Variants in MSH3 observed in about 807,000 individuals in gnomAD.
MSH3 encodes the protein mutS homolog 3.
Under a neutral mutation model 123.3 loss-of-function variants are expected in MSH3, and 106 were observed. That is an observed-to-expected ratio of 0.86 (90% CI 0.73 to 1.01). The LOEUF (loss-of-function observed/expected upper bound fraction) is 1.01. Among genes scored for constraint, MSH3 ranks in the 50% least tolerant of loss-of-function variants. The pLI, the probability that MSH3 is intolerant of heterozygous loss-of-function variation, is 0.00. For missense variants in MSH3, 1,459 were observed against 1,347.6 expected, an observed-to-expected ratio of 1.08 and a Z score of -1.29; for synonymous variants, 515 against 481.4, an observed-to-expected ratio of 1.07 and a Z score of -0.91.
At chr5:80,730,257 A>AAT (rs1258691324) in intron 10 of MSH3, among the ~76,000 whole-genome samples, 1 of 152,226 alleles carries the variant, frequency 6.6e-6, no homozygotes, top group Non-Finnish European at 1.5e-5. Context: ...TAAGCCAAAA[A>AAT]TAAAGTTGCT....
intron 12 of MSH3, among the ~76,000 whole-genome samples, chr5:80,747,709 T>C (rs184068830): frequency 2.4e-3 from 366 of 152,222 alleles, no homozygotes; most frequent in Admixed American, 4.8e-3. Context: ...TATACAGAGG[T>C]GTTTTCTATG....
At chr5:80,700,721 C>T (rs1392299193) in intron 8 of MSH3, among the ~76,000 whole-genome samples, 1 of 152,086 alleles carries the variant, frequency 6.6e-6, no homozygotes, top group East Asian at 1.9e-4. Flanking sequence ...AGAATGAGAG[C>T]TTCTTTGTGC....
intron 20 of MSH3, among the ~76,000 whole-genome samples, chr5:80,842,866 T>C (rs978521025): frequency 2.6e-5 from 4 of 152,162 alleles, no homozygotes; most frequent in African/African-American, 9.7e-5. Context: ...ACAATTTGAC[T>C]TCCTCTTTTC....
intron 4 of MSH3, 95 bp downstream of exon 4, chr5:80,670,404 G>A (rs561981850): frequency 8.7e-6 from 11 of 1,267,628 alleles, no homozygotes; most frequent in Middle Eastern, 2.6e-4. Context: ...TTATATAAAA[G>A]CTGATTTGAT....
chr5:80,665,236 T>A lies in MSH3; in HGVS notation c.452T>A (p.Val151Asp). 1 of 1,614,060 alleles carries A rather than the reference T, an allele frequency of 6.2e-7. No individual in the cohort carries two copies. The change falls in exon 3 of 24, where the codon GTC becomes GAC. Residue 151 changes from valine (V) to aspartate (D), a missense_variant. Transcript: ENST00000265081. ...GATTCTGCCCTTCCTCAAAGTAGAG[T>A]CCAGACAGAATCTCTGCAGGAGAGA... The part of the protein sequence containing the change: ...CCDSALPQSR[V>D]QTESLQERFA...
At chr5:80,773,934 A>G (rs1340971614) in intron 15 of MSH3, among the ~76,000 whole-genome samples, 1 of 151,972 alleles carries the variant, frequency 6.6e-6, no homozygotes, top group Admixed American at 6.6e-5. Context: ...CGCCTGGCTA[A>G]TTTTTGTATT....
chr5:80,681,943 T>C (rs1195712639), intron 8 of MSH3, among the ~76,000 whole-genome samples: 4 of 152,206 alleles, frequency 2.6e-5, no homozygotes, highest in Admixed American at 6.5e-5. Flanking sequence ...ATGCCTGCTT[T>C]TGTCTTATTT....
At chr5:80,735,979 CT>C (rs1346854401) in intron 10 of MSH3, among the ~76,000 whole-genome samples, 6 of 152,126 alleles carry the variant, frequency 3.9e-5, no homozygotes, top group Admixed American at 1.3e-4. Flanking sequence ...AATCCCAACA[CT>C]TGTGGGAGGC....
intron 12 of MSH3, among the ~76,000 whole-genome samples, chr5:80,760,949 T>A (rs1744021523): frequency 6.6e-6 from 1 of 152,198 alleles, no homozygotes; most frequent in Non-Finnish European, 1.5e-5. Flanking sequence ...GTCTTTGTGT[T>A]TGCTTGGTGA....
At chr5:80,729,004 A>G (rs1743357125) in intron 10 of MSH3, 39 bp downstream of exon 10, 7 of 1,133,200 alleles carry the variant, frequency 6.2e-6, no homozygotes, top group Non-Finnish European at 9.4e-6. Context: ...GGGGGAGCTT[A>G]TATTATGAAC....
intron 8 of MSH3, among the ~76,000 whole-genome samples, chr5:80,696,959 C>T (rs1750496361): frequency 6.6e-6 from 1 of 152,092 alleles, no homozygotes; most frequent in Non-Finnish European, 1.5e-5. Context: ...ATTTTTAGTG[C>T]TGTTTACAGT....
At chr5:80,705,076 G>T (rs1750688538) in intron 8 of MSH3, among the ~76,000 whole-genome samples, 1 of 152,212 alleles carries the variant, frequency 6.6e-6, no homozygotes. Flanking sequence ...AGCATTAAAT[G>T]AGTTAATACA....
intron 3 of MSH3, among the ~76,000 whole-genome samples, chr5:80,666,228 C>A (rs1198989492): frequency 1.3e-5 from 2 of 152,052 alleles, no homozygotes; most frequent in Non-Finnish European, 2.9e-5. Flanking sequence ...TAATCTGTAG[C>A]TGTGATTGAC....
intron 22 of MSH3, among the ~76,000 whole-genome samples, chr5:80,868,900 A>G (rs866543333): frequency 4.6e-5 from 7 of 152,054 alleles, no homozygotes; most frequent in African/African-American, 1.7e-4. Context: ...CTGCCTTCCA[A>G]TATTGTTCCT....
intron 17 of MSH3, among the ~76,000 whole-genome samples, 171 bp from the exon 18 acceptor site, chr5:80,787,394 A>C (rs1480196013): frequency 3.3e-5 from 5 of 152,250 alleles, no homozygotes; most frequent in Admixed American, 3.3e-4. Context: ...TAGTTATTAT[A>C]TTAAAAAGTA....
rs1012782978 is a variant in MSH3 at position 80,674,880 on chromosome 5, G to A, written c.1028-103G>A. The A allele has an allele frequency of 1.5e-5, 16 of 1,073,356 alleles. No individual in the cohort carries two copies. The Admixed American group carries it at 2.7e-4, about 18-fold the overall frequency. 66.5% of individuals were successfully genotyped at this position (1,073,356 alleles called of 1,614,324 possible). Reference sequence around the variant, plus strand: ...CAGGTGTGAGCCACTGCGCCTGGCTGTGAACCATTATTTTAAAGGAGAAAA... The same window carrying A: ...CAGGTGTGAGCCACTGCGCCTGGCTATGAACCATTATTTTAAAGGAGAAAA... On this transcript the variant is annotated intron_variant, in intron 6 of 23. Coordinates refer to ENST00000265081, the MANE Select transcript of MSH3 (RefSeq NM_002439.5).
intron 8 of MSH3, among the ~76,000 whole-genome samples, chr5:80,698,993 T>C (rs1750547885): frequency 6.6e-6 from 1 of 150,558 alleles, no homozygotes; most frequent in African/African-American, 2.4e-5. Flanking sequence ...GAATCAAGAG[T>C]GAAACGGTGG....
intron 21 of MSH3, among the ~76,000 whole-genome samples, chr5:80,863,953 G>GGA (rs1197407940): frequency 2.6e-5 from 4 of 152,106 alleles, no homozygotes; most frequent in African/African-American, 9.7e-5. Flanking sequence ...ATTATCTCGT[G>GGA]GATCTGGAAA....
At chr5:80,666,800 C>T (rs1030522771) in intron 3 of MSH3, among the ~76,000 whole-genome samples, 2 of 152,214 alleles carry the variant, frequency 1.3e-5, no homozygotes, top group African/African-American at 4.8e-5. Flanking sequence ...ACATAAATGC[C>T]CCATGGTCCA....
Sources: gnomAD v4.1 joint callset for allele counts (sites outside exome capture counted in the v4.1 genomes callset) on GRCh38, gnomAD v4.1.1 for gene constraint, MANE v1.5 for transcripts, NCBI Gene and HGNC (gene_info 2026-07-23, HGNC 2026-07-21) for gene names.